CNBD2: variants seen among roughly 807,000 people sequenced by gnomAD.
CNBD2 encodes cyclic nucleotide binding domain containing 2.
In CNBD2, 64 loss-of-function variants were observed where a neutral mutation model predicts 63.7. That is an observed-to-expected ratio of 1.00 (90% CI 0.82 to 1.24). The LOEUF is 1.24. CNBD2 is among the 50% of genes most tolerant of loss of function. The pLI is 0.00. For missense variants in CNBD2, 691 were observed against 713.5 expected (o/e 0.97, Z 0.36); for synonymous variants, 229 against 255.4 (o/e 0.90, Z 0.99).
At chr20:35,995,821 C>A (rs1394684843) in intron 8 of CNBD2, among the ~76,000 whole-genome samples, 1 of 152,158 alleles carries the variant, frequency 6.6e-6, no homozygotes, top group Non-Finnish European at 1.5e-5. Flanking sequence ...CATATGGTAT[C>A]TTAGTCAGTT....
At chr20:36,020,104 AC>A (rs1396946656) in intron 10 of CNBD2, among the ~76,000 whole-genome samples, 1 of 150,996 alleles carries the variant, frequency 6.6e-6, no homozygotes, top group Non-Finnish European at 1.5e-5. Context: ...TTTTCTTGAG[AC>A]GGAGTCTCGC....
chr20:36,022,334 A>G (rs6141590), intron 10 of CNBD2, among the ~76,000 whole-genome samples: 51,959 of 149,858 alleles, frequency 0.35, 13,155 homozygotes, highest in African/African-American at 0.72. Context: ...AAGTAGCCGG[A>G]ACTACAGGCA....
chr20:35,989,819 C>T (rs1293497473), intron 7 of CNBD2, among the ~76,000 whole-genome samples: 1 of 129,518 alleles, frequency 7.7e-6, no homozygotes, highest in Non-Finnish European at 1.6e-5. Context: ...GCAGCCTGGG[C>T]AACATAGCAA....
chr20:36,020,124 C>T (rs964951144), intron 10 of CNBD2, among the ~76,000 whole-genome samples: 5 of 152,146 alleles, frequency 3.3e-5, no homozygotes, highest in South Asian at 2.1e-4. Flanking sequence ...GCTGTGTCGC[C>T]CAGGCTGGAG....
At chr20:35,955,743 T>A (rs1361478471), downstream of CNBD2, among the ~76,000 whole-genome samples, 1 of 152,198 alleles carries the variant, frequency 6.6e-6, no homozygotes, top group Non-Finnish European at 1.5e-5. Flanking sequence ...GTTTTCTGTT[T>A]GGTAGCTGAC....
rs367781653 is a variant in CNBD2 at position 35,963,348 on chromosome 20, A to G, written c.228+5574A>G. 1.5e-3 allele frequency among the ~76,000 whole-genome samples: 215 copies of G among 143,668 alleles called. 2 individuals are homozygous for G. In the East Asian group the frequency reaches 0.032, roughly 22 times the overall value. 94.3% of individuals were successfully genotyped at this position (143,668 alleles called of 152,430 possible). Reference sequence around the variant, plus strand: ...AGAGTGAGACCTTGTCTCCAAATTAAAAAAAAAAAAAAGGAAATAAAATCA... The same window carrying G: ...AGAGTGAGACCTTGTCTCCAAATTAGAAAAAAAAAAAAGGAAATAAAATCA... On this transcript the variant is annotated intron_variant, in intron 2 of 4. Transcript: ENST00000622112.
In CNBD2 at chr20:35,972,687, G is replaced by A. The variant is rs17347958; in HGVS notation, c.110G>A (p.Arg37His). The change falls in exon 2 of 12, where the codon CGC becomes CAC. Residue 37 changes from arginine to histidine, a missense_variant. Arg to His is a conservative substitution (Grantham distance 29). Coordinates refer to ENST00000373973, the MANE Select transcript of CNBD2 (RefSeq NM_001365709.1). ...ATGATCCGAGTGTGTAAAATGTTCCGCCAAGGCCTCAGGGGATTCCGGGAA... is the reference window on the plus strand; with the variant it reads ...ATGATCCGAGTGTGTAAAATGTTCCACCAAGGCCTCAGGGGATTCCGGGAA... ...IIMIRVCKMF[R>H]QGLRGFREYQ... 0.048 allele frequency: 77,890 copies of A among 1,613,690 alleles called. 2,987 individuals carry two copies. Among genetic ancestry groups the A allele is most frequent in the South Asian group, 0.17 (15,524 of 91,030 alleles).
chr20:35,972,209 A>G (rs1291673628), intron 1 of CNBD2, among the ~76,000 whole-genome samples: 1 of 152,162 alleles, frequency 6.6e-6, no homozygotes, highest in Non-Finnish European at 1.5e-5. Flanking sequence ...GACAGCCAGC[A>G]GTGTTGCATT....
intron 8 of CNBD2, among the ~76,000 whole-genome samples, chr20:35,999,679 CTTT>C (rs35106057): frequency 2.1e-5 from 3 of 142,086 alleles, no homozygotes; most frequent in Non-Finnish European, 3.1e-5. Flanking sequence ...CAAGTATCTT[CTTT>C]TTTTTTTTTT....
chr20:35,971,131 TAG>T (rs1414518691), intron 1 of CNBD2, among the ~76,000 whole-genome samples: 1 of 150,752 alleles, frequency 6.6e-6, no homozygotes, highest in Admixed American at 6.6e-5. Flanking sequence ...GTATTTTTAG[TAG>T]AGACGGGGTT....
intron 4 of CNBD2, 22 bp downstream of exon 4, chr20:35,980,644 T>C (rs2056585663): frequency 6.2e-7 from 1 of 1,611,158 alleles, no homozygotes; most frequent in African/African-American, 1.3e-5. Context: ...GCACAGCCCT[T>C]GGCCACCAGG....
At chr20:35,963,832 A>G (rs1301193716), upstream of CNBD2, among the ~76,000 whole-genome samples, 5 of 152,126 alleles carry the variant, frequency 3.3e-5, no homozygotes, top group Non-Finnish European at 5.9e-5. Flanking sequence ...CAACCACTAA[A>G]TAGAGAATTT....
upstream of CNBD2, among the ~76,000 whole-genome samples, chr20:35,964,936 C>T (rs959426785): frequency 1.1e-4 from 16 of 151,994 alleles, no homozygotes; most frequent in African/African-American, 3.4e-4. Flanking sequence ...CTCTTGACCT[C>T]GTGATCTGTC....
At chr20:36,012,843 A>G (rs1438889433) in intron 10 of CNBD2, among the ~76,000 whole-genome samples, 5 of 151,642 alleles carry the variant, frequency 3.3e-5, no homozygotes, top group African/African-American at 1.2e-4. Context: ...AAAAAAAAGA[A>G]TTCAATTTCT....
chr20:35,964,204 G>A (rs982145566), upstream of CNBD2, among the ~76,000 whole-genome samples: 7 of 151,432 alleles, frequency 4.6e-5, no homozygotes, highest in African/African-American at 1.7e-4. Flanking sequence ...TTTTGAGATG[G>A]AGTTTTGCTC....
intron 11 of CNBD2, among the ~76,000 whole-genome samples, chr20:36,026,525 A>G (rs1985042631): frequency 6.6e-6 from 1 of 151,874 alleles, no homozygotes; most frequent in South Asian, 2.1e-4. Flanking sequence ...TCCAAACTCA[A>G]TGCTACCTCA....
intron 10 of CNBD2, among the ~76,000 whole-genome samples, chr20:36,012,613 G>T (rs2057077038): frequency 6.6e-6 from 1 of 151,958 alleles, no homozygotes; most frequent in Non-Finnish European, 1.5e-5. Flanking sequence ...GCCACCTGAG[G>T]TTGGGAGTTC....
intron 2 of CNBD2, chr20:35,974,127 G>C (rs1002568618): frequency 1.3e-5 from 2 of 153,710 alleles, no homozygotes; most frequent in African/African-American, 4.8e-5. Flanking sequence ...CTGAGTTTAA[G>C]ATACAGCAGG....
chr20:35,968,713 C>T lies in CNBD2; in HGVS notation c.-50C>T, dbSNP rs375289266. 113 of 1,507,410 alleles carry T rather than the reference C, an allele frequency of 7.5e-5. No homozygotes were observed. Among genetic ancestry groups the T allele is most frequent in the Admixed American group, 3.8e-4 (20 of 52,000 alleles). 93.4% of individuals were successfully genotyped at this position (1,507,410 alleles called of 1,614,324 possible). On this transcript the variant is annotated 5_prime_UTR_variant, in exon 1 of 12. Coordinates refer to ENST00000373973, the MANE Select transcript of CNBD2 (RefSeq NM_001365709.1). Reference sequence around the variant, plus strand: ...TTTTTGGGGAAAAATTTGTAGTCCTCCCCTTGAAAGGCAAAGGGGCTAGTT... The same window carrying T: ...TTTTTGGGGAAAAATTTGTAGTCCTTCCCTTGAAAGGCAAAGGGGCTAGTT...
Sources: gnomAD v4.1 joint callset for allele counts (sites outside exome capture counted in the v4.1 genomes callset) on GRCh38, gnomAD v4.1.1 for gene constraint, MANE v1.5 for transcripts, NCBI Gene and HGNC (gene_info 2026-07-23, HGNC 2026-07-21) for gene names.